LMNTD1: variants seen among roughly 807,000 people sequenced by gnomAD.
The protein encoded by LMNTD1 is lamin tail domain-containing protein 1.
A neutral mutation model predicts 50.9 loss-of-function variants in LMNTD1; 35 were observed. The observed-to-expected ratio is 0.69, with a 90% CI of 0.53 to 0.91. The LOEUF is 0.91. Ranked by LOEUF, LMNTD1 falls within the 40% of genes least tolerant of loss-of-function variation. LMNTD1 has a pLI of 0.00. For synonymous variants in LMNTD1, 153 were observed against 161.9 expected (o/e 0.94, Z 0.42); for missense variants, 470 against 475.5 (o/e 0.99, Z 0.11).
intron 1 of LMNTD1, among the ~76,000 whole-genome samples, chr12:25,569,347 C>T (rs1359344199): frequency 6.6e-6 from 1 of 152,158 alleles, no homozygotes; most frequent in Admixed American, 6.5e-5. Flanking sequence ...GAATGTTTAC[C>T]CAATGCCTGT....
At chr12:25,623,780 C>G (rs1946528060) in intron 1 of LMNTD1, among the ~76,000 whole-genome samples, 1 of 152,096 alleles carries the variant, frequency 6.6e-6, no homozygotes, top group East Asian at 1.9e-4. Context: ...AAACATACCC[C>G]TGGACATGCC....
chr12:25,545,586 C>CATT (rs1943382011), intron 4 of LMNTD1, among the ~76,000 whole-genome samples: 1 of 151,606 alleles, frequency 6.6e-6, no homozygotes, highest in Non-Finnish European at 1.5e-5. Context: ...TTAACAGAAG[C>CATT]TTTGAACATT....
intron 6 of LMNTD1, 95 bp downstream of exon 6, chr12:25,526,004 A>T: frequency 1.0e-6 from 1 of 968,126 alleles, no homozygotes; most frequent in Non-Finnish European, 1.4e-6. Flanking sequence ...GCACTTAGAC[A>T]CATTGTATAA....
At chr12:25,489,077 TTTTG>T (rs1372386263) in intron 9 of LMNTD1, among the ~76,000 whole-genome samples, 3 of 152,004 alleles carry the variant, frequency 2.0e-5, no homozygotes, top group Admixed American at 6.6e-5. Flanking sequence ...ACTGCTGTCT[TTTTG>T]TTTGTCTGTG....
At chr12:25,576,140 G>A (rs1026372702) in intron 1 of LMNTD1, among the ~76,000 whole-genome samples, 50 of 152,046 alleles carry the variant, frequency 3.3e-4, no homozygotes, top group Admixed American at 1.6e-3. Context: ...GAATAGTGCC[G>A]CAATAAACAT....
At chr12:25,520,312 A>G (rs1941225505) in intron 6 of LMNTD1, among the ~76,000 whole-genome samples, 2 of 151,954 alleles carry the variant, frequency 1.3e-5, no homozygotes. Flanking sequence ...CTTATATTGT[A>G]CACTAGATCC....
intron 1 of LMNTD1, among the ~76,000 whole-genome samples, chr12:25,561,212 C>A (rs1484527592): frequency 6.6e-6 from 1 of 152,218 alleles, no homozygotes; most frequent in Non-Finnish European, 1.5e-5. Flanking sequence ...TCTTGCTTCT[C>A]TAGTTCTTTT....
chr12:25,487,764 G>A (rs1026296720), intron 9 of LMNTD1, among the ~76,000 whole-genome samples: 2 of 106,306 alleles, frequency 1.9e-5, no homozygotes, highest in Non-Finnish European at 3.7e-5. Context: ...ATTTTGCAGC[G>A]GCTGGTACCG....
intron 9 of LMNTD1, among the ~76,000 whole-genome samples, chr12:25,490,246 T>A (rs1468637055): frequency 6.6e-6 from 1 of 152,208 alleles, no homozygotes; most frequent in African/African-American, 2.4e-5. Flanking sequence ...TCACAATGGG[T>A]TTTTTGCTAG....
At chr12:25,646,918 C>T (rs1947084379) in intron 1 of LMNTD1, among the ~76,000 whole-genome samples, 2 of 152,166 alleles carry the variant, frequency 1.3e-5, no homozygotes, top group Non-Finnish European at 2.9e-5. Flanking sequence ...TTCTCTATGA[C>T]ATGGATCTAT....
rs899819721 is a variant in LMNTD1, at chr12:25,539,251, C to G, written c.491+7123G>C. ...AATAGACATCTACAGAACTCTCCAC[C>G]CCAAATCAACAGAATATACATTTTT... On this transcript the variant is annotated intron_variant, in intron 4 of 9. Coordinates refer to ENST00000458174, the MANE Select transcript of LMNTD1 (RefSeq NM_001145728.2). Among the ~76,000 whole-genome samples the G allele has an allele frequency of 9.1e-3, 1,368 of 150,004 alleles. 11 individuals carry two copies. The highest frequency in any genetic ancestry group is 0.017 in the Middle Eastern group (5 of 288).
At chr12:25,546,669 T>G (rs912601510) in intron 3 of LMNTD1, 115 bp from the exon 4 acceptor site, 2 of 556,908 alleles carry the variant, frequency 3.6e-6, no homozygotes, top group African/African-American at 3.9e-5. Context: ...ATTTTTACAT[T>G]TTAATATCAC....
chr12:25,527,681 T>TATATATATATATACAC (rs1463259109), intron 4 of LMNTD1, among the ~76,000 whole-genome samples: 5 of 32,342 alleles, frequency 1.5e-4, no homozygotes, highest in Admixed American at 8.0e-4. Context: ...TATATATATA[T>TATATATATATATACAC]ACACACACAC....
chr12:25,517,021 C>G (rs1940838326), intron 8 of LMNTD1, among the ~76,000 whole-genome samples: 1 of 138,102 alleles, frequency 7.2e-6, no homozygotes, highest in Admixed American at 7.9e-5. Flanking sequence ...CCATCTCACA[C>G]CAGTTAGAAT....
At chr12:25,583,108 A>G (rs1158744105) in intron 1 of LMNTD1, among the ~76,000 whole-genome samples, 1 of 144,258 alleles carries the variant, frequency 6.9e-6, no homozygotes, top group Admixed American at 7.0e-5. Context: ...TGCAAGCTCT[A>G]CCTCCCGGGT....
At chr12:25,597,222 C>T (rs1175731562) in intron 1 of LMNTD1, among the ~76,000 whole-genome samples, 1 of 151,940 alleles carries the variant, frequency 6.6e-6, no homozygotes, top group East Asian at 1.9e-4. Flanking sequence ...TGTAAATGGA[C>T]TAAACTCTCC....
chr12:25,622,591 A>G (rs1409962280), intron 1 of LMNTD1, among the ~76,000 whole-genome samples: 3 of 151,600 alleles, frequency 2.0e-5, no homozygotes, highest in Non-Finnish European at 4.4e-5. Flanking sequence ...GAAACTGCAC[A>G]CTCTGCCTCA....
intron 7 of LMNTD1, 22 bp from the exon 8 acceptor site, chr12:25,518,989 A>T: frequency 7.4e-6 from 12 of 1,612,444 alleles, no homozygotes; most frequent in Non-Finnish European, 8.5e-6. Context: ...AAAAGCCTAA[A>T]TGGAACTCAA....
chr12:25,559,610 G>A (rs1415989127), intron 1 of LMNTD1, among the ~76,000 whole-genome samples: 1 of 152,174 alleles, frequency 6.6e-6, no homozygotes, highest in East Asian at 1.9e-4. Flanking sequence ...AGATCCTTGA[G>A]GAATCACCAC....
Sources: allele counts gnomAD v4.1 joint callset (sites outside exome capture counted in the v4.1 genomes callset), GRCh38; gene constraint gnomAD v4.1.1; transcripts MANE v1.5; gene names NCBI Gene and HGNC (gene_info 2026-07-23, HGNC 2026-07-21).